MBP: variants seen among roughly 807,000 people sequenced by gnomAD.
MBP encodes the protein myelin basic protein, also known as Golli-MBP.
A neutral mutation model predicts 35.8 loss-of-function variants in MBP; 16 were observed. That is an observed-to-expected ratio of 0.45 (90% CI 0.30 to 0.68). The LOEUF is 0.68. MBP is among the 30% of genes least tolerant of loss of function. The probability of loss-of-function intolerance (pLI) is 0.08; values close to 1 mark genes in which losing one functional copy is unlikely to be tolerated. For missense variants in MBP, 380 were observed against 404.7 expected, an observed-to-expected ratio of 0.94 and a Z score of 0.52; for synonymous variants, 143 against 159.6, an observed-to-expected ratio of 0.90 and a Z score of 0.78.
chr18:77,009,933 G>C (rs1375114514), intron 4 of MBP: 2 of 1,575,736 alleles, frequency 1.3e-6, no homozygotes. Context: ...GTACCTGCCG[G>C]GGGACACAGA....
intron 4 of MBP, chr18:77,015,211 AT>A: frequency 1.2e-5 from 12 of 985,352 alleles, no homozygotes; most frequent in Non-Finnish European, 1.4e-5. Flanking sequence ...CATGAAGCTT[AT>A]TTTATAATAC....
chr18:77,085,162 A>G (rs1975170172), intron 2 of MBP, among the ~76,000 whole-genome samples: 1 of 152,216 alleles, frequency 6.6e-6, no homozygotes, highest in Non-Finnish European at 1.5e-5. Context: ...TCTTAATTTG[A>G]TGGTGAATAC....
chr18:77,122,200 C>T (rs923759166), intron 1 of MBP, among the ~76,000 whole-genome samples: 3 of 152,168 alleles, frequency 2.0e-5, no homozygotes, highest in African/African-American at 7.2e-5. Flanking sequence ...GGGGCTAACA[C>T]ATGTTTTAAC....
At chr18:76,998,157 C>T (rs1970418403) in intron 4 of MBP, among the ~76,000 whole-genome samples, 1 of 152,218 alleles carries the variant, frequency 6.6e-6, no homozygotes, top group Non-Finnish European at 1.5e-5. Flanking sequence ...AAACCTGGCC[C>T]CCATGAAACA....
chr18:77,120,238 G>A (rs975342277), intron 1 of MBP, among the ~76,000 whole-genome samples: 3 of 152,196 alleles, frequency 2.0e-5, no homozygotes, highest in Admixed American at 6.5e-5. Context: ...TTCTCCCAAC[G>A]CTGGCAAAAT....
Position 76,989,083 on chromosome 18 carries a change from T to C in MBP, c.682-171A>G, listed in dbSNP as rs1033745740. On this transcript the variant is annotated intron_variant, in intron 5 of 8. Transcript: ENST00000355994. This position sits in a 1 kb window ranked among gnomAD's most constrained non-coding sequence, Gnocchi z 4.0. ...TTGGTGAAGAAGTATAGACCTGAGA[T>C]TGAAAATATTCTAGATGATGCAGAT... 8.2e-6 allele frequency: 6 copies of C among 733,730 alleles called. No homozygotes were observed. The African/African-American group carries it at 8.6e-5, about 11-fold the overall frequency. 45.5% of individuals were successfully genotyped at this position (733,730 alleles called of 1,614,324 possible).
intron 4 of MBP, among the ~76,000 whole-genome samples, chr18:77,002,203 C>T (rs1312747957): frequency 2.0e-5 from 3 of 152,134 alleles, no homozygotes. Context: ...TGGAGGCAAC[C>T]ACGGCAGGGT....
intron 4 of MBP, among the ~76,000 whole-genome samples, chr18:77,011,479 C>A (rs1033183591): frequency 6.6e-6 from 1 of 152,176 alleles, no homozygotes; most frequent in Non-Finnish European, 1.5e-5. Context: ...GGTGGGCTGG[C>A]GTGAAGCCCC....
At chr18:77,035,807 C>G (rs58853075) in intron 3 of MBP, among the ~76,000 whole-genome samples, 1 of 152,192 alleles carries the variant, frequency 6.6e-6, no homozygotes, top group Non-Finnish European at 1.5e-5. Flanking sequence ...AGAACAAACA[C>G]GTTGCCAGGA....
rs1977327148 is a variant in MBP at position 77,132,727 on chromosome 18, A to C, written c.-173T>G. The C allele has an allele frequency of 6.6e-6, 1 of 151,188 alleles. No individual in the cohort carries two copies. Among genetic ancestry groups the C allele is most frequent in the Non-Finnish European group, 1.5e-5 (1 of 67,896 alleles). The allele number at this position is 151,188 out of a possible 1,614,324, so 9.4% of individuals were successfully genotyped here. A position where few individuals can be genotyped will look rare whatever the true frequency, so the allele number is the denominator to read the frequency against. On this transcript the variant is annotated 5_prime_UTR_variant, in exon 1 of 9. Coordinates refer to ENST00000355994, the MANE Select transcript of MBP (RefSeq NM_001025101.2). ...GCCTGCTTCGCCTTCCGGGGTCGGGAGACAGGGGCCGCCGGGGCCGGAGGC... is the reference window on the plus strand; with the variant it reads ...GCCTGCTTCGCCTTCCGGGGTCGGGCGACAGGGGCCGCCGGGGCCGGAGGC...
At chr18:76,986,883 T>A in intron 7 of MBP, 2 of 985,458 alleles carry the variant, frequency 2.0e-6, no homozygotes, top group Non-Finnish European at 2.4e-6. Flanking sequence ...GTCATGTTTA[T>A]CTTTGGGGAA....
rs1971943254 is a variant in MBP, at chr18:77,020,378, G to A, written c.140-3110C>T. ...GAGCAGTGGACAGATATTCTTCTAC[G>A]TCGGTTTCCACAAAGGACCTCTTTC... On this transcript the variant is annotated intron_variant, in intron 3 of 8. Transcript: ENST00000355994. This position sits in a 1 kb window ranked among gnomAD's most constrained non-coding sequence, Gnocchi z 4.1. 1.3e-5 allele frequency among the ~76,000 whole-genome samples: 2 copies of A among 152,160 alleles called. No individual in the cohort carries two copies. Among genetic ancestry groups the A allele is most frequent in the Non-Finnish European group, 1.5e-5 (1 of 68,028 alleles).
chr18:77,092,529 A>G (rs1441343976), intron 2 of MBP, among the ~76,000 whole-genome samples: 1 of 152,156 alleles, frequency 6.6e-6, no homozygotes, highest in Non-Finnish European at 1.5e-5. Context: ...CTACAACTCA[A>G]ACATCATTCC....
chr18:77,112,240 C>T (rs1340429587), intron 1 of MBP, among the ~76,000 whole-genome samples: 1 of 151,984 alleles, frequency 6.6e-6, no homozygotes, highest in Non-Finnish European at 1.5e-5. Context: ...GAGGACAAGG[C>T]GTGGGAAGAA....
intron 3 of MBP, among the ~76,000 whole-genome samples, chr18:77,046,664 A>G (rs535921125): frequency 1.8e-4 from 28 of 152,370 alleles, no homozygotes; most frequent in African/African-American, 6.3e-4. Context: ...GGAGGTAGCG[A>G]CAGGTCCCAG....
chr18:77,128,504 C>G (rs1332681564), intron 1 of MBP, among the ~76,000 whole-genome samples: 1 of 144,984 alleles, frequency 6.9e-6, no homozygotes, highest in Non-Finnish European at 1.5e-5. Flanking sequence ...TTACAGAGAA[C>G]TAAGCGCACG....
Position 76,984,624 on chromosome 18 carries a change from A to G in MBP, c.870+151T>C, listed in dbSNP as rs1292065638. 6.9e-6 allele frequency: 7 copies of G among 1,018,374 alleles called. No homozygotes were observed. The African/African-American group carries it at 1.1e-4, about 16-fold the overall frequency. 63.1% of individuals were successfully genotyped at this position (1,018,374 alleles called of 1,614,324 possible). A position where few individuals can be genotyped will look rare whatever the true frequency, so the allele number is the denominator to read the frequency against. ...CGCGTAAATGCGGGTGGGCAATGCC[A>G]CCTGAGCCCCTGCACGCCTGCTGGG... is the stretch of plus-strand genomic sequence containing the variant. On this transcript the variant is annotated intron_variant, in intron 8 of 8. Coordinates refer to ENST00000355994, the MANE Select transcript of MBP (RefSeq NM_001025101.2).
chr18:76,985,211 C>A, intron 7 of MBP: 1 of 1,416,254 alleles, frequency 7.1e-7, no homozygotes, highest in Non-Finnish European at 9.4e-7. Flanking sequence ...TACCTTCACG[C>A]TGTGGGGTGT....
intron 2 of MBP, among the ~76,000 whole-genome samples, chr18:77,100,488 C>T (rs1334856960): frequency 6.6e-6 from 1 of 150,816 alleles, no homozygotes; most frequent in African/African-American, 2.4e-5. Context: ...AGTGTTAGCG[C>T]TGGCCTAGAT....
Sources: gnomAD v4.1 joint callset for allele counts (sites outside exome capture counted in the v4.1 genomes callset) on GRCh38, gnomAD v4.1.1 for gene constraint, Gnocchi (gnomAD v3.1) non-coding constraint, MANE v1.5 for transcripts, NCBI Gene and HGNC (gene_info 2026-07-23, HGNC 2026-07-21) for gene names.